Variants in EPHA8 observed in about 807,000 individuals in gnomAD.
EPHA8 encodes the protein ephrin type-A receptor 8.
In EPHA8, 58 loss-of-function variants were observed where a neutral mutation model predicts 103.6. That is an observed-to-expected ratio of 0.56 (90% confidence interval 0.45 to 0.70). EPHA8 has a LOEUF of 0.70. Ranked by LOEUF, EPHA8 falls within the 30% of genes least tolerant of loss-of-function variation. The pLI, the probability that EPHA8 is intolerant of heterozygous loss-of-function variation, is 0.00. For missense variants in EPHA8, 1,304 were observed against 1,395.2 expected, an observed-to-expected ratio of 0.93 and a Z score of 1.04; for synonymous variants, 559 against 572.5, an observed-to-expected ratio of 0.98 and a Z score of 0.34.
At chr1:22,593,197 G>A in intron 5 of EPHA8, 129 bp from the exon 6 acceptor site, 1 of 1,374,292 alleles carries the variant, frequency 7.3e-7, no homozygotes. Flanking sequence ...CTGTCCTGGG[G>A]CTGGGGCAGG....
chr1:22,593,538 G>T lies in EPHA8; in HGVS notation c.1455G>T (p.Gln485His), dbSNP rs754845150. The T allele has an allele frequency of 3.0e-5, 49 of 1,612,304 alleles. No homozygotes were observed. The highest frequency in any genetic ancestry group is 4.1e-5 in the Non-Finnish European group (48 of 1,179,714). Reference protein sequence around the residue: ...IKYYEKDKEMQSYSTLKAVTT... With the variant: ...IKYYEKDKEMHSYSTLKAVTT... ...TCCCGTGGCAGGACAAGGAGATGCA[G>T]AGCTACTCCACCCTCAAGGCCGTCA... The change falls in exon 7 of 17, where the codon CAG becomes CAT. Residue 485 changes from glutamine to histidine, a missense_variant. Transcript: ENST00000166244.
chr1:22,578,660 AGT>A lies in EPHA8; in HGVS notation c.823+1783_823+1784del, dbSNP rs1463962107. Among the ~76,000 whole-genome samples the A allele has an allele frequency of 1.5e-4, 17 of 113,640 alleles. No homozygotes were observed. The East Asian group carries it at 3.3e-3, about 22-fold the overall frequency. The allele number at this position is 113,640 out of a possible 152,430, so 74.6% of individuals were successfully genotyped here. Reference sequence around the variant, plus strand: ...GTGTATGTGTATGTGTGTGCATGTGAGTGTATGTATGCATTTGTGCATGAGTG... The same window carrying A: ...GTGTATGTGTATGTGTGTGCATGTGAGTATGTATGCATTTGTGCATGAGTG... On this transcript the variant is annotated intron_variant, in intron 3 of 16. Transcript: ENST00000166244.
chr1:22,596,535 C>T (rs1005675), intron 9 of EPHA8, among the ~76,000 whole-genome samples: 22,502 of 152,214 alleles, frequency 0.15, 1,735 homozygotes, highest in African/African-American at 0.19. Flanking sequence ...CCTCCCTCCA[C>T]ACCCCACTCC....
Position 22,601,165 on chromosome 1 carries a change from T to A in EPHA8, c.2729+77T>A, listed in dbSNP as rs564957381. 1.1e-3 allele frequency: 1,708 copies of A among 1,540,530 alleles called. 15 individuals carry two copies. The African/African-American group carries it at 0.021, about 19-fold the overall frequency. ...CCCCAGATCTGTCCCTGGGACAGTT[T>A]GGCCCTGACACTAGGACCAGGCCCA... On this transcript the variant is annotated intron_variant, in intron 15 of 16. Transcript: ENST00000166244.
rs1392050574 is a variant in EPHA8 at position 22,603,565 on chromosome 1, C to T, written c.*1824C>T. 1.3e-5 allele frequency: 2 copies of T among 152,368 alleles called. No individual in the cohort carries two copies. Among genetic ancestry groups the T allele is most frequent in the South Asian group, 2.1e-4 (1 of 4,788 alleles). 9.4% of individuals were successfully genotyped at this position (152,368 alleles called of 1,614,324 possible). On this transcript the variant is annotated 3_prime_UTR_variant, in exon 17 of 17. Transcript: ENST00000166244. The stretch of plus-strand genomic sequence containing the variant: ...CTCCATCCTGACTCTTGAACTTACC[C>T]ACAATAAGAATAAATTCTGCCTCAT...
At chr1:22,587,254 G>A (rs1312845576) in intron 4 of EPHA8, among the ~76,000 whole-genome samples, 1 of 152,240 alleles carries the variant, frequency 6.6e-6, no homozygotes, top group Non-Finnish European at 1.5e-5. Context: ...GTGTAGTTGA[G>A]CTCACATATA....
chr1:22,597,296 T>G lies in EPHA8; in HGVS notation c.1766-16T>G. ...CTCTCCTGGGCCCCACTGAAGGCCC[T>G]CCTCCCGCCCCTCAGCACCCCCACC... is the stretch of plus-strand genomic sequence containing the variant. On this transcript the variant is annotated splice_polypyrimidine_tract_variant and intron_variant, in intron 9 of 16. Coordinates refer to ENST00000166244, the MANE Select transcript of EPHA8 (RefSeq NM_020526.5). This position sits in a 1 kb window ranked among gnomAD's most constrained non-coding sequence, Gnocchi z 4.6. 187 of 1,186,224 alleles carry G rather than the reference T, an allele frequency of 1.6e-4. No homozygotes were observed. The highest frequency in any genetic ancestry group is 2.1e-4 in the Middle Eastern group (1 of 4,780). The allele number at this position is 1,186,224 out of a possible 1,614,324, so 73.5% of individuals were successfully genotyped here. A position where few individuals can be genotyped will look rare whatever the true frequency, so the allele number is the denominator to read the frequency against.
chr1:22,571,153 G>C (rs1161940173), intron 2 of EPHA8, among the ~76,000 whole-genome samples: 6 of 152,232 alleles, frequency 3.9e-5, no homozygotes, highest in East Asian at 1.9e-4. Flanking sequence ...AGCATGGCTG[G>C]CCTCGTGTTT....
intron 1 of EPHA8, among the ~76,000 whole-genome samples, chr1:22,566,056 TA>T (rs1384700929): frequency 1.3e-5 from 2 of 152,216 alleles, no homozygotes; most frequent in East Asian, 3.9e-4. Context: ...CTAGCAAAGG[TA>T]ACAGGACCTT....
Position 22,597,125 on chromosome 1 carries a change from C to G in EPHA8, c.1766-187C>G, listed in dbSNP as rs1013022885. 9.9e-5 allele frequency among the ~76,000 whole-genome samples: 15 copies of G among 152,154 alleles called. No homozygotes were observed. Among genetic ancestry groups the G allele is most frequent in the Non-Finnish European group, 2.1e-4 (14 of 68,004 alleles). Reference sequence around the variant, plus strand: ...GAGACTCCACAGCCCCATAGAAACCCCAGAGCGACTCCAGAGACCCCACTT... The same window carrying G: ...GAGACTCCACAGCCCCATAGAAACCGCAGAGCGACTCCAGAGACCCCACTT... On this transcript the variant is annotated intron_variant, in intron 9 of 16. Transcript: ENST00000166244. This position sits in a 1 kb window ranked among gnomAD's most constrained non-coding sequence, Gnocchi z 4.6.
intron 4 of EPHA8, among the ~76,000 whole-genome samples, chr1:22,588,089 G>A (rs985877134): frequency 6.6e-6 from 1 of 152,202 alleles, no homozygotes; most frequent in African/African-American, 2.4e-5. Context: ...ATACCCTTCC[G>A]ATGTTAAAAA....
chr1:22,578,136 ATGTG>A (rs200253380), intron 3 of EPHA8, among the ~76,000 whole-genome samples: 12,527 of 68,796 alleles, frequency 0.18, 523 homozygotes, highest in South Asian at 0.34. Flanking sequence ...GCATGTGTGC[ATGTG>A]TGTATGTGTG....
At chr1:22,577,790 GTGTGTGCGTAAGTGTA>G (rs912465995) in intron 3 of EPHA8, among the ~76,000 whole-genome samples, 13 of 147,010 alleles carry the variant, frequency 8.8e-5, no homozygotes, top group Admixed American at 2.0e-4. Flanking sequence ...GCATGTGTGC[GTGTGTGCGTAAGTGTA>G]TGTGTGCATG....
chr1:22,582,921 C>T (rs1343350377), intron 3 of EPHA8, among the ~76,000 whole-genome samples: 3 of 152,222 alleles, frequency 2.0e-5, no homozygotes, highest in South Asian at 2.1e-4. Flanking sequence ...AGTCTCATTT[C>T]GGAGGGGGAG....
chr1:22,590,921 A>G (rs764448272), intron 5 of EPHA8, among the ~76,000 whole-genome samples: 1 of 151,992 alleles, frequency 6.6e-6, no homozygotes, highest in Non-Finnish European at 1.5e-5. Flanking sequence ...CCAAGCTGTC[A>G]TCCTTGACTC....
rs1300017845 is a variant in EPHA8 at position 22,576,950 on chromosome 1, G to A, written c.823+70G>A. On this transcript the variant is annotated intron_variant, in intron 3 of 16. Transcript: ENST00000166244. This position sits in a 1 kb window ranked among gnomAD's most constrained non-coding sequence, Gnocchi z 4.8. ...TTGGTCTTGGCAGGGCTGCCAGGGT[G>A]TAAGGGGGGACGTCAGAGCCCACAG... 2.3e-5 allele frequency: 34 copies of A among 1,495,106 alleles called. No homozygotes were observed. The Admixed American group carries it at 7.3e-4, about 32-fold the overall frequency. 92.6% of individuals were successfully genotyped at this position (1,495,106 alleles called of 1,614,324 possible).
At chr1:22,570,893 T>A (rs1640526489) in intron 2 of EPHA8, among the ~76,000 whole-genome samples, 1 of 152,270 alleles carries the variant, frequency 6.6e-6, no homozygotes, top group Non-Finnish European at 1.5e-5. Context: ...CTTCCCCGCG[T>A]GAGCGTGGTG....
At chr1:22,578,821 G>T (rs1395851359) in intron 3 of EPHA8, among the ~76,000 whole-genome samples, 1 of 151,384 alleles carries the variant, frequency 6.6e-6, no homozygotes, top group Non-Finnish European at 1.5e-5. Context: ...ATGTGTACAT[G>T]TGCATGCCTG....
intron 5 of EPHA8, among the ~76,000 whole-genome samples, chr1:22,591,022 G>A (rs573997270): frequency 1.3e-5 from 2 of 151,088 alleles, no homozygotes; most frequent in African/African-American, 4.9e-5. Context: ...GTCCATGCCT[G>A]GACCACCACA....
Sources: allele counts gnomAD v4.1 joint callset (sites outside exome capture counted in the v4.1 genomes callset), GRCh38; gene constraint gnomAD v4.1.1; non-coding constraint Gnocchi (gnomAD v3.1); transcripts MANE v1.5; gene names NCBI Gene and HGNC (gene_info 2026-07-23, HGNC 2026-07-21).